BIN2: variants seen among roughly 807,000 people sequenced by gnomAD.
BIN2 encodes bridging integrator 2.
A neutral mutation model predicts 67.9 loss-of-function variants in BIN2; 43 were observed. The ratio of observed to expected loss-of-function variants is 0.63; its 90% confidence interval spans 0.50 to 0.82. The LOEUF (loss-of-function observed/expected upper bound fraction) is 0.82. BIN2 is among the 40% of genes least tolerant of loss of function. The pLI is 0.00. For synonymous variants in BIN2, 244 were observed against 246.8 expected (o/e 0.99, Z 0.11); for missense variants, 581 against 671.6 (o/e 0.87, Z 1.49).
Position 51,281,171 on chromosome 12 carries a change from C to T in BIN2, c.*328G>A. 3.1e-6 allele frequency: 1 copy of T among 325,800 alleles called. No individual in the cohort carries two copies. The highest frequency in any genetic ancestry group is 5.8e-6 in the Non-Finnish European group (1 of 173,518). 20.2% of individuals were successfully genotyped at this position (325,800 alleles called of 1,614,324 possible). A position where few individuals can be genotyped will look rare whatever the true frequency, so the allele number is the denominator to read the frequency against. On this transcript the variant is annotated 3_prime_UTR_variant, in exon 13 of 13. Transcript: ENST00000615107. The stretch of plus-strand genomic sequence containing the variant: ...GTGTGTGGTTATGTCTCTGTATAGG[C>T]AAGTGTCTGTGTCTATAGATACTTT...
intron 1 of BIN2, among the ~76,000 whole-genome samples, chr12:51,319,846 T>G (rs1487151535): frequency 6.6e-6 from 1 of 152,200 alleles, no homozygotes; most frequent in South Asian, 2.1e-4. Context: ...TTTAGTTAAT[T>G]CCCTCAATTG....
chr12:51,291,956 C>G lies in BIN2; in HGVS notation c.1150G>C (p.Ala384Pro). The G allele has an allele frequency of 6.2e-7, 1 of 1,614,192 alleles. No individual in the cohort carries two copies. Among genetic ancestry groups the G allele is most frequent in the Non-Finnish European group, 8.5e-7 (1 of 1,180,026 alleles). ...LSPSGQPSSS[A>P]TEVVLRTRTA... is the part of the protein sequence containing the mutation. ...CGGGTTCGGAGGACTACTTCTGTGG[C>G]AGATGATGAAGGCTGCCCTGAAGGG... The change falls in exon 10 of 13, where the codon GCC (alanine) becomes CCC (proline). Residue 384 changes from alanine to proline, a missense_variant. Ala to Pro is a conservative substitution (Grantham distance 27, BLOSUM62 -1). Transcript: ENST00000615107.
At chr12:51,300,866 A>G (rs925647137) in intron 5 of BIN2, among the ~76,000 whole-genome samples, 74 of 152,338 alleles carry the variant, frequency 4.9e-4, no homozygotes, top group African/African-American at 1.7e-3. Context: ...TAGGAACTTA[A>G]GTCAGCCTCC....
At chr12:51,294,695 C>T (rs1024196563) in intron 9 of BIN2, among the ~76,000 whole-genome samples, 1 of 151,220 alleles carries the variant, frequency 6.6e-6, no homozygotes, top group Non-Finnish European at 1.5e-5. Context: ...TATTTCCATG[C>T]GTATTATTTT....
intron 1 of BIN2, among the ~76,000 whole-genome samples, chr12:51,320,964 C>A (rs1946261896): frequency 6.6e-6 from 1 of 151,780 alleles, no homozygotes; most frequent in Admixed American, 6.6e-5. Flanking sequence ...AACACACACA[C>A]ACACACTCTA....
intron 7 of BIN2, among the ~76,000 whole-genome samples, chr12:51,298,548 AAATT>A (rs965657026): frequency 3.3e-5 from 5 of 151,878 alleles, no homozygotes; most frequent in Non-Finnish European, 7.4e-5. Context: ...CAAAATAAAT[AAATT>A]AATTAATTAA....
chr12:51,324,495 C>T (rs1323443446), upstream of BIN2: 19 of 1,530,122 alleles, frequency 1.2e-5, no homozygotes, highest in East Asian at 4.7e-4. Context: ...GTGGGTTCCA[C>T]TCAGCGAGAG....
chr12:51,324,656 A>G (rs1429566858), upstream of BIN2: 1 of 968,830 alleles, frequency 1.0e-6, no homozygotes, highest in Admixed American at 3.5e-5. Context: ...CCGGGCTTGA[A>G]AGAGAGAAAC....
At chr12:51,301,298 A>AAAGCAGAACAGT (rs1945716438) in intron 5 of BIN2, among the ~76,000 whole-genome samples, 1 of 152,224 alleles carries the variant, frequency 6.6e-6, no homozygotes, top group Non-Finnish European at 1.5e-5. Context: ...TCTGGAACAG[A>AAAGCAGAACAGT]AAGCAGAACA....
intron 2 of BIN2, among the ~76,000 whole-genome samples, chr12:51,312,534 T>C (rs1047021570): frequency 6.6e-6 from 1 of 152,178 alleles, no homozygotes; most frequent in Non-Finnish European, 1.5e-5. Context: ...GTTCGTTACT[T>C]AGGTTGCCGA....
intron 12 of BIN2, among the ~76,000 whole-genome samples, chr12:51,283,030 G>C (rs1455404430): frequency 4.0e-5 from 6 of 151,672 alleles, no homozygotes; most frequent in African/African-American, 1.5e-4. Context: ...GCTGAGGCGG[G>C]AGGATCATGA....
rs770156666 is a variant in BIN2 at position 51,299,590 on chromosome 12, T to C, written c.516+17A>G. 2 of 1,609,314 alleles carry C rather than the reference T, an allele frequency of 1.2e-6. No individual in the cohort carries two copies. Among genetic ancestry groups the C allele is most frequent in the Admixed American group, 1.7e-5 (1 of 59,980 alleles). ...ACAGGAAGGGTTTACCAGTTTTTGT[T>C]GTTGTTTTTGTTTTACCTTGGCAGT... On this transcript the variant is annotated intron_variant, in intron 6 of 12. Coordinates refer to ENST00000615107, the MANE Select transcript of BIN2 (RefSeq NM_016293.4).
chr12:51,295,577 AATATATATATAT>A (rs1163870830), intron 9 of BIN2, among the ~76,000 whole-genome samples: 392 of 29,166 alleles, frequency 0.013, 2 homozygotes, highest in South Asian at 0.026. Flanking sequence ...AAAAAAAAAA[AATATATATATAT>A]ATATATATAT....
At chr12:51,294,956 A>C (rs1373549787) in intron 9 of BIN2, among the ~76,000 whole-genome samples, 2 of 152,102 alleles carry the variant, frequency 1.3e-5, no homozygotes, top group Non-Finnish European at 2.9e-5. Context: ...TTTTAGAGAC[A>C]GGGTCTTGCT....
chr12:51,323,914 G>C, intron 1 of BIN2, 108 bp downstream of exon 1: 1 of 1,384,466 alleles, frequency 7.2e-7, no homozygotes, highest in Non-Finnish European at 9.8e-7. Context: ...CGTCAGCCCA[G>C]ACCCTTCGGG....
At chr12:51,303,173 G>A (rs1194988890) in intron 2 of BIN2, 32 bp from the exon 3 acceptor site, 1 of 1,606,650 alleles carries the variant, frequency 6.2e-7, no homozygotes, top group Non-Finnish European at 8.5e-7. Context: ...GGTGACTAAA[G>A]AGATTAATAT....
intron 11 of BIN2, among the ~76,000 whole-genome samples, chr12:51,287,326 T>C (rs1301459485): frequency 2.0e-5 from 3 of 150,200 alleles, no homozygotes; most frequent in Non-Finnish European, 4.4e-5. Context: ...TAAGGAAAAG[T>C]TGTTTTTTTT....
intron 9 of BIN2, among the ~76,000 whole-genome samples, chr12:51,293,340 C>T (rs1188754187): frequency 2.6e-5 from 4 of 152,022 alleles, no homozygotes; most frequent in South Asian, 4.1e-4. Context: ...GATGGAGTCT[C>T]GCTCTGTCGC....
chr12:51,310,714 T>C (rs1475259566), intron 2 of BIN2, among the ~76,000 whole-genome samples: 1 of 152,144 alleles, frequency 6.6e-6, no homozygotes, highest in Non-Finnish European at 1.5e-5. Flanking sequence ...AATAACATTG[T>C]TGTAGTTTAG....
Sources: allele counts gnomAD v4.1 joint callset (sites outside exome capture counted in the v4.1 genomes callset), GRCh38; gene constraint gnomAD v4.1.1; transcripts MANE v1.5; gene names NCBI Gene and HGNC (gene_info 2026-07-23, HGNC 2026-07-21).